IFI16: variants seen among roughly 807,000 people sequenced by gnomAD.
IFI16 encodes interferon gamma inducible protein 16.
In IFI16, 49 loss-of-function variants were observed where a neutral mutation model predicts 68.4. The ratio of observed to expected loss-of-function variants is 0.72; its 90% CI spans 0.57 to 0.91. IFI16 has a LOEUF of 0.91. Ranked by LOEUF, IFI16 falls within the 40% of genes least tolerant of loss-of-function variation. The pLI, the probability that IFI16 is intolerant of heterozygous loss-of-function variation, is 0.00. For missense variants in IFI16, 878 were observed against 942.9 expected (o/e 0.93, Z 0.90); for synonymous variants, 307 against 315.0 (o/e 0.97, Z 0.27).
intron 9 of IFI16, 54 bp downstream of exon 9, chr1:159,049,653 A>G: frequency 1.9e-6 from 3 of 1,604,052 alleles, no homozygotes; most frequent in Admixed American, 3.4e-5. Flanking sequence ...AATGACAAGG[A>G]TTAACACAAC....
At chr1:159,019,285 G>A (rs1010065855) in intron 5 of IFI16, among the ~76,000 whole-genome samples, 7 of 150,690 alleles carry the variant, frequency 4.6e-5, no homozygotes, top group Admixed American at 4.6e-4. Context: ...AGAGTACAGA[G>A]TGCTTTTCCT....
chr1:159,005,301 G>A (rs116719766), upstream of IFI16, among the ~76,000 whole-genome samples: 749 of 152,300 alleles, frequency 4.9e-3, 5 homozygotes, highest in African/African-American at 0.017. Flanking sequence ...GTCCATTACA[G>A]GGAGGGTCAG....
intron 10 of IFI16, chr1:159,053,019 A>G (rs995116414): frequency 2.0e-5 from 3 of 152,822 alleles, no homozygotes; most frequent in African/African-American, 7.2e-5. Context: ...GACTAGATAG[A>G]TAGGATGATC....
At chr1:159,017,277 G>T (rs1034843325) in intron 4 of IFI16, among the ~76,000 whole-genome samples, 2 of 152,168 alleles carry the variant, frequency 1.3e-5, no homozygotes, top group African/African-American at 4.8e-5. Context: ...AGTTTCTGCA[G>T]CCTGAACCTA....
In IFI16 at chr1:159,020,410, A is replaced by G; in HGVS notation, c.1042A>G (p.Thr348Ala). The change falls in exon 6 of 12, where the codon ACA (threonine) becomes GCA (alanine). Residue 348 changes from threonine to alanine, a missense_variant. By Grantham distance (58) the Thr-to-Ala change is moderately conservative. Transcript: ENST00000295809. ...DDRGKMDVVG[T>A]GQCHNIPCEE... ...TAGAGGAAAAATGGATGTAGTGGGG[A>G]CAGGACAATGTCACAATATCCCCTG... 6.2e-7 allele frequency: 1 copy of G among 1,613,318 alleles called. No individual in the cohort carries two copies. The highest frequency in any genetic ancestry group is 1.3e-5 in the African/African-American group (1 of 75,022).
intron 10 of IFI16, 79 bp from the exon 11 acceptor site, chr1:159,053,454 C>T: frequency 1.9e-6 from 2 of 1,052,844 alleles, no homozygotes; most frequent in Admixed American, 4.2e-5. Context: ...CAAAAGTTTC[C>T]AGAAACACCC....
intron 8 of IFI16, among the ~76,000 whole-genome samples, chr1:159,046,434 C>T (rs1330081608): frequency 6.6e-6 from 1 of 151,264 alleles, no homozygotes. Flanking sequence ...AGAAGGATAA[C>T]ATTTTTATAT....
At chr1:159,017,856 C>A (rs1013933683) in intron 4 of IFI16, among the ~76,000 whole-genome samples, 19 of 152,334 alleles carry the variant, frequency 1.2e-4, no homozygotes, top group Non-Finnish European at 1.9e-4. Flanking sequence ...GATCCACCCG[C>A]CTCGGCGTTT....
chr1:159,041,588 C>T (rs1358402646), intron 7 of IFI16, among the ~76,000 whole-genome samples: 2 of 152,200 alleles, frequency 1.3e-5, no homozygotes, highest in East Asian at 3.8e-4. Context: ...CCCCCCTCAT[C>T]ACCAGGAAGA....
At chr1:159,025,778 A>G (rs1653630799) in intron 6 of IFI16, among the ~76,000 whole-genome samples, 1 of 152,144 alleles carries the variant, frequency 6.6e-6, no homozygotes, top group East Asian at 1.9e-4. Flanking sequence ...TTCCGATATT[A>G]TCTTCTAGAA....
chr1:159,040,263 A>G (rs1445080974), intron 7 of IFI16, among the ~76,000 whole-genome samples: 3 of 152,210 alleles, frequency 2.0e-5, no homozygotes. Context: ...ATAGTATAAT[A>G]ACATTTTTGT....
chr1:159,015,663 A>C (rs1269981621), intron 2 of IFI16: 2 of 529,250 alleles, frequency 3.8e-6, no homozygotes, highest in African/African-American at 3.8e-5. Context: ...AGTGCTGAGG[A>C]GCATGAGTCA....
At chr1:159,004,366 A>G (rs1459542410), upstream of IFI16, among the ~76,000 whole-genome samples, 1 of 152,088 alleles carries the variant, frequency 6.6e-6, no homozygotes, top group Non-Finnish European at 1.5e-5. Flanking sequence ...CCTTATTGCT[A>G]AGTAAATCTG....
In IFI16 at chr1:159,045,470, A is replaced by C; in HGVS notation, c.1497+6A>C. 6.2e-7 allele frequency: 1 copy of C among 1,604,246 alleles called. No individual in the cohort carries two copies. The highest frequency in any genetic ancestry group is 8.5e-7 in the Non-Finnish European group (1 of 1,173,850). On this transcript the variant is annotated splice_donor_region_variant and intron_variant, in intron 8 of 11. Coordinates refer to ENST00000295809, the MANE Select transcript of IFI16 (RefSeq NM_001376587.1). ...GCAGCAGTTTCTTAACCACGGTACA[A>C]GTTCCCTCTTCCCAATACATTCCCC...
At chr1:159,052,898 A>T (rs1655451635) in intron 10 of IFI16, 1 of 152,268 alleles carries the variant, frequency 6.6e-6, no homozygotes, top group Non-Finnish European at 1.5e-5. Flanking sequence ...CATGTCTTCT[A>T]GGGTGGCTTA....
chr1:159,036,882 G>A (rs1654356008), intron 7 of IFI16, among the ~76,000 whole-genome samples: 1 of 152,206 alleles, frequency 6.6e-6, no homozygotes, highest in South Asian at 2.1e-4. Context: ...TGTACCAGTT[G>A]AAGACAGGCC....
upstream of IFI16, among the ~76,000 whole-genome samples, chr1:159,007,564 ATTAT>A (rs962009838): frequency 8.1e-4 from 123 of 152,266 alleles, no homozygotes; most frequent in African/African-American, 2.9e-3. Flanking sequence ...TACACACTGG[ATTAT>A]GTTATCTAAA....
At chr1:159,027,136 T>A (rs1101994) in intron 6 of IFI16, among the ~76,000 whole-genome samples, 1 of 152,058 alleles carries the variant, frequency 6.6e-6, no homozygotes, top group South Asian at 2.1e-4. Context: ...AATTTTTCCC[T>A]GACCAGTATA....
chr1:159,009,564 T>C (rs1421745902), upstream of IFI16, among the ~76,000 whole-genome samples: 1 of 152,228 alleles, frequency 6.6e-6, no homozygotes. Context: ...TATAAGTCTC[T>C]AATGACTCAC....
Sources: allele counts gnomAD v4.1 joint callset (sites outside exome capture counted in the v4.1 genomes callset), GRCh38; gene constraint gnomAD v4.1.1; transcripts MANE v1.5; gene names NCBI Gene and HGNC (gene_info 2026-07-23, HGNC 2026-07-21).